Variants in GPNMB observed in about 807,000 individuals in gnomAD.
GPNMB encodes glycoprotein nmb, also known as transmembrane glycoprotein NMB.
Under a neutral mutation model 57.3 loss-of-function variants are expected in GPNMB, and 71 were observed. The observed-to-expected ratio is 1.24, with a 90% CI of 1.02 to 1.51. The LOEUF (loss-of-function observed/expected upper bound fraction) is 1.51, where lower values mean the gene tolerates loss of function less well. Among genes scored for constraint, GPNMB ranks in the 40% most tolerant of loss-of-function variants. GPNMB has a pLI of 0.00. For synonymous variants in GPNMB, 253 were observed against 263.2 expected (o/e 0.96, Z 0.38); for missense variants, 677 against 691.9 (o/e 0.98, Z 0.24).
At chr7:23,258,037 C>T (rs770949980) in intron 4 of GPNMB, 26 of 152,038 alleles carry the variant, frequency 1.7e-4, no homozygotes, top group Non-Finnish European at 8.8e-5. Flanking sequence ...ACTACTGTTC[C>T]GCTTTGACCT....
At chr7:23,247,812 T>C (rs147951250) in intron 1 of GPNMB, 2 of 152,334 alleles carry the variant, frequency 1.3e-5, no homozygotes, top group African/African-American at 4.8e-5. Flanking sequence ...GCCTACGTTT[T>C]TGGAAAGGAA....
Position 23,273,518 on chromosome 7 carries a change from A to G in GPNMB, c.1430-3A>G, listed in dbSNP as rs111824849. 51 of 1,605,862 alleles carry G rather than the reference A, an allele frequency of 3.2e-5. No homozygotes were observed. The highest frequency in any genetic ancestry group is 4.3e-5 in the Non-Finnish European group (51 of 1,172,760). On this transcript the variant is annotated splice_polypyrimidine_tract_variant and splice_region_variant and intron_variant, in intron 9 of 10. Coordinates refer to ENST00000258733, the MANE Select transcript of GPNMB (RefSeq NM_002510.3). ...ACTAACATGCTCTTGCTTCTGTTTT[A>G]AGACCCAGCCTCGCCTTTAAGGATG...
intron 6 of GPNMB, among the ~76,000 whole-genome samples, chr7:23,263,034 A>T (rs1782967725): frequency 6.6e-6 from 1 of 151,922 alleles, no homozygotes; most frequent in Non-Finnish European, 1.5e-5. Context: ...AGGAGAAGCA[A>T]TTTTTTTTAT....
chr7:23,263,468 C>T (rs1637247), intron 6 of GPNMB, among the ~76,000 whole-genome samples: 7,211 of 151,712 alleles, frequency 0.048, 240 homozygotes, highest in South Asian at 0.1. Flanking sequence ...AAAAATTAGC[C>T]GGGTGTGGTG....
rs767387644 is a variant in GPNMB, at chr7:23,274,268, G to A, written c.*44G>A. On this transcript the variant is annotated 3_prime_UTR_variant, in exon 11 of 11. Coordinates refer to ENST00000258733, the MANE Select transcript of GPNMB (RefSeq NM_002510.3). ...AAGCTCACTTTTCAGTGCCATTGAT[G>A]TGAGATGTGCTGGAGTGGCTATTAA... is the stretch of plus-strand genomic sequence containing the variant. 6.9e-7 allele frequency: 1 copy of A among 1,452,886 alleles called. No homozygotes were observed. Among genetic ancestry groups the A allele is most frequent in the South Asian group, 1.2e-5 (1 of 86,870 alleles). 90.0% of individuals were successfully genotyped at this position (1,452,886 alleles called of 1,614,324 possible).
chr7:23,266,400 G>C (rs1197184014), intron 6 of GPNMB, 117 bp from the exon 7 acceptor site: 2 of 917,116 alleles, frequency 2.2e-6, no homozygotes, highest in African/African-American at 1.7e-5. Context: ...TCATAGTATA[G>C]TGTTCCTGAT....
In GPNMB at chr7:23,267,906, A is replaced by G; in HGVS notation, c.1138A>G (p.Ile380Val). ...TIVEGILEVNIIQMTDVLMPV... is the reference protein window; with the variant it reads ...TIVEGILEVNVIQMTDVLMPV... ...GTTAGAGGGAATCTTAGAGGTTAACATCATCCAGATGACAGACGTCCTGAT... is the reference window on the plus strand; with the variant it reads ...GTTAGAGGGAATCTTAGAGGTTAACGTCATCCAGATGACAGACGTCCTGAT... The change falls in exon 8 of 11, where the codon ATC becomes GTC. Residue 380 changes from isoleucine to valine, a missense_variant. Transcript: ENST00000258733. The G allele has an allele frequency of 1.9e-6, 3 of 1,612,130 alleles. No individual in the cohort carries two copies. The highest frequency in any genetic ancestry group is 1.1e-5 in the South Asian group (1 of 91,028).
intron 6 of GPNMB, among the ~76,000 whole-genome samples, chr7:23,265,450 C>G (rs1783034731): frequency 6.6e-6 from 1 of 151,824 alleles, no homozygotes; most frequent in Admixed American, 6.6e-5. Context: ...TTAATTAGAG[C>G]CTGTTAAATT....
rs181250107 is a variant in GPNMB at position 23,247,433 on chromosome 7, C to A, written c.70+506C>A. 306 of 167,988 alleles carry A rather than the reference C, an allele frequency of 1.8e-3. 2 individuals are homozygous for A. The highest frequency in any genetic ancestry group is 7.1e-3 in the African/African-American group (297 of 41,918). 10.4% of individuals were successfully genotyped at this position (167,988 alleles called of 1,614,324 possible). A position where few individuals can be genotyped will look rare whatever the true frequency, so the allele number is the denominator to read the frequency against. On this transcript the variant is annotated intron_variant, in intron 1 of 10. Coordinates refer to ENST00000258733, the MANE Select transcript of GPNMB (RefSeq NM_002510.3). ...GCTGGGAGAGGAGCTGAAGCCCAGGCTCTCTACCCTGGTCAGGCAGGAGAG... is the reference window on the plus strand; with the variant it reads ...GCTGGGAGAGGAGCTGAAGCCCAGGATCTCTACCCTGGTCAGGCAGGAGAG...
At chr7:23,258,685 C>T (rs1030419661) in intron 4 of GPNMB, among the ~76,000 whole-genome samples, 16 of 152,236 alleles carry the variant, frequency 1.1e-4, no homozygotes, top group African/African-American at 3.1e-4. Context: ...TCTCCCTCAA[C>T]TAAGTATGGT....
At position 23,254,320 on chromosome 7, in the gene GPNMB, C is replaced by G. The variant is rs375459434; in HGVS notation, c.367+8C>G. On this transcript the variant is annotated splice_region_variant and intron_variant, in intron 3 of 10. Transcript: ENST00000258733. The stretch of plus-strand genomic sequence containing the variant: ...AGAAGAACTGCAGAAATGGTAAGAA[C>G]ACAGTATTCTCCTAAACTACTGGAG... 3.7e-6 allele frequency: 6 copies of G among 1,610,018 alleles called. No individual in the cohort carries two copies. The African/African-American group carries it at 4.0e-5, about 11-fold the overall frequency.
chr7:23,254,950 C>T (rs1443751144), intron 3 of GPNMB, among the ~76,000 whole-genome samples: 11 of 152,112 alleles, frequency 7.2e-5, no homozygotes, highest in Non-Finnish European at 1.5e-4. Flanking sequence ...GCAGGTGTAT[C>T]ACCTGAGGTC....
Position 23,260,578 on chromosome 7 carries a change from A to T in GPNMB, c.823A>T (p.Asn275Tyr). ...GATTCATGATCCTAGCCACTTCCTC[A>T]ATTATTCTACCATTAACTACAAGTG... is the stretch of plus-strand genomic sequence containing the variant. ...VLIHDPSHFL[N>Y]YSTINYKWSF... The change falls in exon 6 of 11, where the codon AAT (asparagine) becomes TAT (tyrosine). Residue 275 changes from asparagine (N) to tyrosine (Y), a missense_variant. Physicochemically the swap from Asn to Tyr is moderately radical, Grantham distance 143. Transcript: ENST00000258733. 1 of 1,613,914 alleles carries T rather than the reference A, an allele frequency of 6.2e-7. No individual in the cohort carries two copies. Among genetic ancestry groups the T allele is most frequent in the Non-Finnish European group, 8.5e-7 (1 of 1,179,814 alleles).
At chr7:23,257,528 C>T (rs1489114574) in intron 4 of GPNMB, 1 of 188,588 alleles carries the variant, frequency 5.3e-6, no homozygotes, top group African/African-American at 2.4e-5. Context: ...AAAAATTAGC[C>T]AGGTGTGGTG....
At chr7:23,263,428 A>G (rs1232577675) in intron 6 of GPNMB, among the ~76,000 whole-genome samples, 2 of 152,048 alleles carry the variant, frequency 1.3e-5, no homozygotes. Context: ...CCTGGTCAAC[A>G]TGGTGAAACC....
intron 2 of GPNMB, 44 bp from the exon 3 acceptor site, chr7:23,254,125 G>A (rs1336108186): frequency 6.4e-7 from 1 of 1,569,720 alleles, no homozygotes; most frequent in East Asian, 2.3e-5. Flanking sequence ...TGAACGAAAG[G>A]AAAAAGATGC....
chr7:23,253,322 T>C lies in GPNMB; in HGVS notation c.86T>C (p.Leu29Pro), dbSNP rs1782700085. The change falls in exon 2 of 11, where the codon CTG becomes CCG. Residue 29 changes from leucine (L) to proline (P), a missense_variant. Physicochemically the swap from Leu to Pro is moderately conservative, Grantham distance 98. Coordinates refer to ENST00000258733, the MANE Select transcript of GPNMB (RefSeq NM_002510.3). ...ATTGATACAGGATTTCATGATGTGC[T>C]GGGCAATGAAAGACCTTCTGCTTAC... ...LDAAKRFHDVLGNERPSAYMR... is the reference protein window; with the variant it reads ...LDAAKRFHDVPGNERPSAYMR... 8 of 1,613,830 alleles carry C rather than the reference T, an allele frequency of 5.0e-6. No individual in the cohort carries two copies. The highest frequency in any genetic ancestry group is 6.8e-6 in the Non-Finnish European group (8 of 1,179,816).
At chr7:23,260,822 A>G in intron 6 of GPNMB, 49 bp downstream of exon 6, 1 of 1,345,646 alleles carries the variant, frequency 7.4e-7, no homozygotes, top group Non-Finnish European at 1.0e-6. Flanking sequence ...TGGCTAACAA[A>G]ATATTCACGC....
At chr7:23,259,761 A>G (rs1782867797) in intron 4 of GPNMB, among the ~76,000 whole-genome samples, 1 of 152,182 alleles carries the variant, frequency 6.6e-6, no homozygotes, top group Non-Finnish European at 1.5e-5. Context: ...TTAAATTTTA[A>G]CCAACTGTAT....
Sources: gnomAD v4.1 joint callset for allele counts (sites outside exome capture counted in the v4.1 genomes callset) on GRCh38, gnomAD v4.1.1 for gene constraint, MANE v1.5 for transcripts, NCBI Gene and HGNC (gene_info 2026-07-23, HGNC 2026-07-21) for gene names.